Variants in SLC22A3 observed in about 807,000 individuals in gnomAD.
SLC22A3 encodes solute carrier family 22 member 3, also known as EMT organic cation transporter 3.
In SLC22A3, 51 loss-of-function variants were observed where a neutral mutation model predicts 59.1. The observed-to-expected ratio is 0.86, with a 90% CI of 0.69 to 1.09. The LOEUF (loss-of-function observed/expected upper bound fraction) is 1.09. SLC22A3 is among the 50% of genes least tolerant of loss of function. The probability of loss-of-function intolerance (pLI) is 0.00; values close to 1 mark genes in which losing one functional copy is unlikely to be tolerated. For synonymous variants in SLC22A3, 325 were observed against 292.0 expected, an observed-to-expected ratio of 1.11 and a Z score of -1.15; for missense variants, 711 against 726.3, an observed-to-expected ratio of 0.98 and a Z score of 0.24.
intron 5 of SLC22A3, among the ~76,000 whole-genome samples, chr6:160,430,069 A>G (rs1788095965): frequency 6.6e-6 from 1 of 152,010 alleles, no homozygotes; most frequent in Non-Finnish European, 1.5e-5. Context: ...TGTGTGTTAT[A>G]GGTGCATATA....
intron 1 of SLC22A3, among the ~76,000 whole-genome samples, chr6:160,366,760 C>G (rs963270886): frequency 6.6e-6 from 1 of 152,156 alleles, no homozygotes; most frequent in Non-Finnish European, 1.5e-5. Flanking sequence ...CCTCTGCCAA[C>G]CCCCGGGACC....
intron 5 of SLC22A3, among the ~76,000 whole-genome samples, chr6:160,412,459 T>C (rs985333528): frequency 1.3e-4 from 20 of 152,166 alleles, no homozygotes; most frequent in African/African-American, 4.3e-4. Context: ...CTCTCTCTTA[T>C]ATTAAGTGGC....
At chr6:160,374,239 G>A (rs1362876723) in intron 1 of SLC22A3, among the ~76,000 whole-genome samples, 1 of 152,174 alleles carries the variant, frequency 6.6e-6, no homozygotes, top group Non-Finnish European at 1.5e-5. Flanking sequence ...GGTTTCTCAA[G>A]GCTTCTCTTG....
intron 1 of SLC22A3, among the ~76,000 whole-genome samples, chr6:160,363,497 A>G (rs1219143190): frequency 6.6e-6 from 1 of 152,142 alleles, no homozygotes; most frequent in African/African-American, 2.4e-5. Flanking sequence ...CACCCCTGGC[A>G]GGCGTGTGCC....
chr6:160,364,773 G>A (rs543934147), intron 1 of SLC22A3, among the ~76,000 whole-genome samples: 22 of 152,250 alleles, frequency 1.4e-4, no homozygotes, highest in Admixed American at 7.8e-4. Flanking sequence ...GGACTCCATC[G>A]CTCAGAGCAG....
At chr6:160,369,759 A>C (rs753630873) in intron 1 of SLC22A3, among the ~76,000 whole-genome samples, 5 of 152,250 alleles carry the variant, frequency 3.3e-5, no homozygotes, top group Non-Finnish European at 4.4e-5. Context: ...AATTCTACTT[A>C]CTATTGTTGT....
At chr6:160,416,200 G>T (rs1164658723) in intron 5 of SLC22A3, among the ~76,000 whole-genome samples, 1 of 152,164 alleles carries the variant, frequency 6.6e-6, no homozygotes, top group Non-Finnish European at 1.5e-5. Flanking sequence ...AGAAATACAG[G>T]TGATCAGAGT....
intron 1 of SLC22A3, among the ~76,000 whole-genome samples, chr6:160,389,997 G>A (rs892246664): frequency 2.0e-5 from 3 of 152,216 alleles, no homozygotes; most frequent in Non-Finnish European, 4.4e-5. Context: ...GACTCAAGAT[G>A]TTTAGTTCAT....
intron 5 of SLC22A3, among the ~76,000 whole-genome samples, chr6:160,425,638 GCATATAAGA>G (rs1787924027): frequency 6.6e-6 from 1 of 152,058 alleles, no homozygotes; most frequent in African/African-American, 2.4e-5. Flanking sequence ...TGAAGAACAT[GCATATAAGA>G]CATGTCTTAT....
At chr6:160,436,673 CT>C (rs1056503598) in intron 5 of SLC22A3, 106 bp from the exon 6 acceptor site, 2 of 723,344 alleles carry the variant, frequency 2.8e-6, no homozygotes, top group Middle Eastern at 3.8e-4. Context: ...ATGAAAGCCC[CT>C]AGTCACTTCA....
chr6:160,387,036 C>A (rs938108242), intron 1 of SLC22A3, among the ~76,000 whole-genome samples: 2 of 152,190 alleles, frequency 1.3e-5, no homozygotes, highest in African/African-American at 4.8e-5. Flanking sequence ...TGCTGTGACT[C>A]ATGCGCATGG....
chr6:160,350,597 A>G (rs1784626612), intron 1 of SLC22A3, among the ~76,000 whole-genome samples: 1 of 152,218 alleles, frequency 6.6e-6, no homozygotes, highest in Non-Finnish European at 1.5e-5. Context: ...GAGGGCAGAC[A>G]GCTGATTTTT....
intron 4 of SLC22A3, 88 bp downstream of exon 4, chr6:160,409,009 A>G: frequency 1.8e-6 from 2 of 1,099,688 alleles, no homozygotes; most frequent in East Asian, 5.3e-5. Context: ...CAATAAAGAA[A>G]ATTTTCTTTT....
At chr6:160,367,615 G>A (rs1785251452) in intron 1 of SLC22A3, among the ~76,000 whole-genome samples, 1 of 152,178 alleles carries the variant, frequency 6.6e-6, no homozygotes, top group Non-Finnish European at 1.5e-5. Context: ...GCTGCTCAGT[G>A]TCTTCCGCTG....
At chr6:160,355,773 A>AAAC (rs572407293) in intron 1 of SLC22A3, among the ~76,000 whole-genome samples, 4,202 of 151,394 alleles carry the variant, frequency 0.028, 182 homozygotes, top group African/African-American at 0.087. Context: ...CTCTGTCTCA[A>AAAC]AACAACAACA....
intron 5 of SLC22A3, among the ~76,000 whole-genome samples, chr6:160,418,482 G>A (rs548360381): frequency 7.9e-5 from 12 of 152,252 alleles, no homozygotes; most frequent in African/African-American, 2.2e-4. Flanking sequence ...TCACCTTGTG[G>A]CCGTGTGAGC....
At chr6:160,367,845 A>G (rs1785261830) in intron 1 of SLC22A3, among the ~76,000 whole-genome samples, 1 of 152,084 alleles carries the variant, frequency 6.6e-6, no homozygotes, top group Non-Finnish European at 1.5e-5. Context: ...CATGCCATTC[A>G]GCTACCTTCA....
At chr6:160,433,673 C>T (rs1361016771) in intron 5 of SLC22A3, among the ~76,000 whole-genome samples, 1 of 152,078 alleles carries the variant, frequency 6.6e-6, no homozygotes, top group Admixed American at 6.5e-5. Context: ...CACCACTACA[C>T]TCTAGCCTAG....
chr6:160,349,738 A>AT (rs1362422544), intron 1 of SLC22A3, among the ~76,000 whole-genome samples: 1 of 152,224 alleles, frequency 6.6e-6, no homozygotes, highest in Non-Finnish European at 1.5e-5. Flanking sequence ...TCACTTTGTA[A>AT]TAATCGGAAC....
Sources: gnomAD v4.1 joint callset for allele counts (sites outside exome capture counted in the v4.1 genomes callset) on GRCh38, gnomAD v4.1.1 for gene constraint, MANE v1.5 for transcripts, NCBI Gene and HGNC (gene_info 2026-07-23, HGNC 2026-07-21) for gene names.